The following IMMP2L variants were observed in gnomAD, a reference collection of about 807,000 sequenced individuals.
The protein encoded by IMMP2L is mitochondrial inner membrane protease subunit 2.
A neutral mutation model predicts 19.3 loss-of-function variants in IMMP2L; 18 were observed. The ratio of observed to expected loss-of-function variants is 0.93; its 90% CI spans 0.64 to 1.38. IMMP2L has a LOEUF of 1.38. Among genes scored for constraint, IMMP2L ranks in the 40% most tolerant of loss-of-function variants. IMMP2L has a pLI of 0.00. For missense variants in IMMP2L, 233 were observed against 218.2 expected (o/e 1.07, Z -0.43); for synonymous variants, 76 against 73.0 (o/e 1.04, Z -0.21).
chr7:110,935,047 A>C (rs1815933770), intron 4 of IMMP2L, among the ~76,000 whole-genome samples: 1 of 152,194 alleles, frequency 6.6e-6, no homozygotes, highest in Non-Finnish European at 1.5e-5. Context: ...TTATGATAAT[A>C]GCTGGTTATT....
intron 1 of IMMP2L, among the ~76,000 whole-genome samples, chr7:111,538,027 C>T (rs1390842035): frequency 6.6e-6 from 1 of 152,012 alleles, no homozygotes; most frequent in Admixed American, 6.6e-5. Flanking sequence ...TCAGGAAGTC[C>T]ACTCCGACTC....
intron 5 of IMMP2L, among the ~76,000 whole-genome samples, chr7:110,792,494 T>A (rs1054827507): frequency 7.2e-5 from 11 of 152,190 alleles, no homozygotes; most frequent in Admixed American, 2.0e-4. Flanking sequence ...TTTAAAAAAA[T>A]TTTTTAAGTA....
intron 1 of IMMP2L, among the ~76,000 whole-genome samples, chr7:111,525,138 G>A (rs999162345): frequency 4.6e-5 from 7 of 152,142 alleles, no homozygotes; most frequent in African/African-American, 1.7e-4. Flanking sequence ...GATACACAGA[G>A]GTCAGGAAAG....
chr7:111,090,610 A>T lies in IMMP2L; in HGVS notation c.240-127045T>A, dbSNP rs542643312. 1.2e-4 allele frequency among the ~76,000 whole-genome samples: 10 copies of T among 80,610 alleles called. No homozygotes were observed. In the East Asian group the frequency reaches 2.0e-3, roughly 16 times the overall value. The allele number at this position is 80,610 out of a possible 152,430, so 52.9% of individuals were successfully genotyped here. On this transcript the variant is annotated intron_variant, in intron 3 of 5. Coordinates refer to ENST00000405709, the MANE Select transcript of IMMP2L (RefSeq NM_032549.4). ...AATCCAGACAAGAAATGTCATTGCT[A>T]AAAAAAAAAAAAAAAAAGTGTTATT... is the stretch of plus-strand genomic sequence containing the variant.
chr7:110,853,754 G>T (rs1369027326), intron 5 of IMMP2L, among the ~76,000 whole-genome samples: 1 of 151,934 alleles, frequency 6.6e-6, no homozygotes, highest in African/African-American at 2.4e-5. Flanking sequence ...AATTACAATT[G>T]TTAAAGATAA....
At chr7:110,750,953 A>T (rs1797679460) in intron 5 of IMMP2L, among the ~76,000 whole-genome samples, 1 of 152,124 alleles carries the variant, frequency 6.6e-6, no homozygotes, top group Admixed American at 6.6e-5. Flanking sequence ...TGTCTGTCAG[A>T]AATCATATAC....
chr7:111,183,114 GAAGA>G (rs2129611396), intron 3 of IMMP2L, among the ~76,000 whole-genome samples: 1 of 152,126 alleles, frequency 6.6e-6, no homozygotes, highest in African/African-American at 2.4e-5. Context: ...ACCAAAAAAT[GAAGA>G]AAGGCCATTA....
intron 3 of IMMP2L, among the ~76,000 whole-genome samples, chr7:111,275,432 G>C (rs1485812864): frequency 6.6e-6 from 1 of 152,076 alleles, no homozygotes; most frequent in Non-Finnish European, 1.5e-5. Flanking sequence ...TTCTATACTT[G>C]GGCTACTTCC....
intron 5 of IMMP2L, among the ~76,000 whole-genome samples, chr7:110,669,105 A>G (rs562978304): frequency 3.4e-5 from 5 of 148,096 alleles, no homozygotes; most frequent in African/African-American, 1.3e-4. Flanking sequence ...GTATATATAT[A>G]TATAGAGAGA....
At chr7:110,774,905 C>T (rs942809959) in intron 5 of IMMP2L, among the ~76,000 whole-genome samples, 5 of 152,060 alleles carry the variant, frequency 3.3e-5, no homozygotes, top group African/African-American at 1.2e-4. Flanking sequence ...CATACACATC[C>T]TTAAATTGTA....
intron 3 of IMMP2L, among the ~76,000 whole-genome samples, chr7:111,129,209 A>G (rs1313393086): frequency 6.6e-6 from 1 of 152,094 alleles, no homozygotes; most frequent in Non-Finnish European, 1.5e-5. Flanking sequence ...ATATGAGGAA[A>G]TAATTCTAAT....
intron 4 of IMMP2L, among the ~76,000 whole-genome samples, chr7:110,933,455 C>T (rs1300136007): frequency 6.6e-6 from 1 of 152,192 alleles, no homozygotes; most frequent in Admixed American, 6.6e-5. Flanking sequence ...CTCTGAATAT[C>T]CTACTCACAC....
At chr7:110,874,466 G>C (rs568608150) in intron 5 of IMMP2L, among the ~76,000 whole-genome samples, 2 of 151,954 alleles carry the variant, frequency 1.3e-5, no homozygotes, top group African/African-American at 4.8e-5. Context: ...GATGGTTAGG[G>C]GTAATCATAG....
intron 2 of IMMP2L, among the ~76,000 whole-genome samples, chr7:111,498,178 C>T (rs1291388875): frequency 1.3e-5 from 2 of 152,024 alleles, no homozygotes; most frequent in Non-Finnish European, 2.9e-5. Flanking sequence ...AGGTTCAAAT[C>T]TGCAAAGTTT....
At chr7:111,418,925 T>C (rs1445013057) in intron 3 of IMMP2L, among the ~76,000 whole-genome samples, 1 of 151,834 alleles carries the variant, frequency 6.6e-6, no homozygotes. Context: ...GTTTATTTCA[T>C]ACTCTTTATA....
At chr7:111,147,294 T>C (rs781690527) in intron 3 of IMMP2L, among the ~76,000 whole-genome samples, 45 of 152,136 alleles carry the variant, frequency 3.0e-4, no homozygotes, top group Non-Finnish European at 5.9e-4. Context: ...TCAAATATCT[T>C]GTGATTGATG....
At chr7:110,783,249 C>T (rs932583747) in intron 5 of IMMP2L, among the ~76,000 whole-genome samples, 2 of 151,622 alleles carry the variant, frequency 1.3e-5, no homozygotes, top group African/African-American at 2.4e-5. Flanking sequence ...GAGATTGAAG[C>T]CCAGTATTAA....
At chr7:111,282,505 T>C (rs552484649) in intron 3 of IMMP2L, among the ~76,000 whole-genome samples, 1 of 152,166 alleles carries the variant, frequency 6.6e-6, no homozygotes, top group African/African-American at 2.4e-5. Context: ...ACTTAAATAT[T>C]TGAAATAAAA....
chr7:110,753,195 A>C (rs761283339), intron 5 of IMMP2L, among the ~76,000 whole-genome samples: 1 of 152,024 alleles, frequency 6.6e-6, no homozygotes, highest in Non-Finnish European at 1.5e-5. Context: ...TAGTTTTAAA[A>C]TCACCTGGAA....
Sources: allele counts gnomAD v4.1 joint callset (sites outside exome capture counted in the v4.1 genomes callset), GRCh38; gene constraint gnomAD v4.1.1; transcripts MANE v1.5; gene names NCBI Gene and HGNC (gene_info 2026-07-23, HGNC 2026-07-21).